The following TRMT11 variants were observed in gnomAD, a reference collection of about 807,000 sequenced individuals.
The protein encoded by TRMT11 is tRNA (guanine(10)-N(2))-methyltransferase TRMT11.
TRMT11 carries 53 observed loss-of-function variants against 62.8 expected under a neutral mutation model. The observed-to-expected ratio is 0.84, with a 90% CI of 0.68 to 1.06. The LOEUF is 1.06. Among genes scored for constraint, TRMT11 ranks in the 50% least tolerant of loss-of-function variants. The probability of loss-of-function intolerance (pLI) is 0.00; values close to 1 mark genes in which losing one functional copy is unlikely to be tolerated. For synonymous variants in TRMT11, 188 were observed against 190.3 expected (o/e 0.99, Z 0.10); for missense variants, 556 against 553.4 (o/e 1.00, Z -0.05).
At chr6:126,248,565 G>A in the TRMT11 span, among the ~76,000 whole-genome samples, 11 of 151,872 alleles carry the variant, frequency 7.2e-5, no homozygotes, top group East Asian at 7.7e-4. Context: ...TTCCACCCCC[G>A]TTCTCCATTC....
chr6:126,113,954 C>T (rs1409440449), intron 18 of TRMT11, among the ~76,000 whole-genome samples: 1 of 152,068 alleles, frequency 6.6e-6, no homozygotes, highest in Non-Finnish European at 1.5e-5. Flanking sequence ...ATGGATCGCA[C>T]TTTAAGGGAC....
chr6:126,071,029 C>T (rs1562314892), intron 17 of TRMT11, among the ~76,000 whole-genome samples: 1 of 152,154 alleles, frequency 6.6e-6, no homozygotes, highest in African/African-American at 2.4e-5. Context: ...CTGAGCTGGT[C>T]ATGAAGAACA....
At chr6:126,039,530 G>T (rs763975795), downstream of TRMT11, among the ~76,000 whole-genome samples, 1 of 152,006 alleles carries the variant, frequency 6.6e-6, no homozygotes, top group Non-Finnish European at 1.5e-5. Flanking sequence ...GGTTTAGAAA[G>T]TAACGGATAG....
Position 125,998,767 on chromosome 6 carries a change from C to T in TRMT11, c.522+83C>T, listed in dbSNP as rs1472412755. On this transcript the variant is annotated intron_variant, in intron 6 of 12. Coordinates refer to ENST00000334379, the MANE Select transcript of TRMT11 (RefSeq NM_001031712.3). ...GCCTTTTGTTGACTCCTATGTAGAA[C>T]TTTAAAGCAGCTGAAGAGTCAGAAC... 8 of 1,340,654 alleles carry T rather than the reference C, an allele frequency of 6.0e-6. No individual in the cohort carries two copies. The South Asian group carries it at 8.3e-5, about 14-fold the overall frequency. 83.0% of individuals were successfully genotyped at this position (1,340,654 alleles called of 1,614,324 possible).
intron 21 of TRMT11, among the ~76,000 whole-genome samples, chr6:126,170,467 A>G (rs147404737): frequency 3.3e-4 from 50 of 152,198 alleles, no homozygotes; most frequent in African/African-American, 1.2e-3. Context: ...GTAACCCAAG[A>G]CAGAGGTCAT....
the TRMT11 span, among the ~76,000 whole-genome samples, chr6:126,236,291 C>T: frequency 6.6e-6 from 1 of 152,296 alleles, no homozygotes; most frequent in Non-Finnish European, 1.5e-5. Context: ...ACTTCTTCAA[C>T]ATGAATATGA....
At chr6:126,109,210 A>G (rs1318975662) in intron 17 of TRMT11, among the ~76,000 whole-genome samples, 2 of 152,204 alleles carry the variant, frequency 1.3e-5, no homozygotes, top group African/African-American at 4.8e-5. Flanking sequence ...CATCTAAAGT[A>G]CAAACTTGTA....
At chr6:126,107,865 T>C (rs911519209) in intron 17 of TRMT11, among the ~76,000 whole-genome samples, 1 of 152,194 alleles carries the variant, frequency 6.6e-6, no homozygotes, top group African/African-American at 2.4e-5. Context: ...TGATTCATAT[T>C]AGAAGGAGAG....
At chr6:126,232,148 T>TG in the TRMT11 span, among the ~76,000 whole-genome samples, 1 of 150,008 alleles carries the variant, frequency 6.7e-6, no homozygotes, top group African/African-American at 2.4e-5. Flanking sequence ...ACATTTGTGT[T>TG]TGTGTGTGTG....
Position 126,100,671 on chromosome 6 carries a change from C to T in TRMT11, c.*1438-12195C>T, listed in dbSNP as rs141605100. 2.4e-3 allele frequency among the ~76,000 whole-genome samples: 361 copies of T among 152,330 alleles called. 1 individual carries two copies. The highest frequency in any genetic ancestry group is 4.3e-3 in the Non-Finnish European group (294 of 68,036). ...ATACAACAGCAGGCCCCAACCTTTT[C>T]GGCACCAGGGGCCAGTTTTGTGGAA... On this transcript the variant is annotated intron_variant and NMD_transcript_variant, in intron 17 of 22. Coordinates refer to the TRMT11 transcript ENST00000648977.
intron 17 of TRMT11, among the ~76,000 whole-genome samples, chr6:126,084,508 C>T (rs1316045590): frequency 1.3e-5 from 2 of 151,958 alleles, no homozygotes. Context: ...TATTCCAATC[C>T]ATAGGCTACT....
downstream of TRMT11, among the ~76,000 whole-genome samples, chr6:126,044,151 A>G (rs578198971): frequency 6.6e-6 from 1 of 151,830 alleles, no homozygotes; most frequent in Non-Finnish European, 1.5e-5. Context: ...CTGAATGGTA[A>G]TGCCTAGGTT....
At chr6:126,144,575 C>T (rs113854464) in intron 21 of TRMT11, among the ~76,000 whole-genome samples, 1 of 152,116 alleles carries the variant, frequency 6.6e-6, no homozygotes, top group Non-Finnish European at 1.5e-5. Context: ...TGCCTCTCCC[C>T]AAAGCTTTGC....
At chr6:126,247,881 A>C in the TRMT11 span, among the ~76,000 whole-genome samples, 1 of 152,028 alleles carries the variant, frequency 6.6e-6, no homozygotes, top group Admixed American at 6.6e-5. Context: ...AGCCACATGC[A>C]TCTTCAGCTT....
the TRMT11 span, among the ~76,000 whole-genome samples, chr6:126,225,253 T>C: frequency 6.3e-3 from 966 of 152,262 alleles, 16 homozygotes; most frequent in African/African-American, 0.022. Flanking sequence ...GCTCTCCCTA[T>C]CAGCTCAAAT....
intron 17 of TRMT11, among the ~76,000 whole-genome samples, chr6:126,098,378 A>C (rs1777362474): frequency 6.6e-6 from 1 of 152,306 alleles, no homozygotes; most frequent in East Asian, 1.9e-4. Flanking sequence ...GAATAATTCT[A>C]TGTGAATCCT....
intron 21 of TRMT11, among the ~76,000 whole-genome samples, chr6:126,120,875 C>T (rs1040455913): frequency 6.6e-6 from 1 of 152,116 alleles, no homozygotes; most frequent in South Asian, 2.1e-4. Context: ...TTTGAGTCAT[C>T]AAACTTCTTC....
intron 21 of TRMT11, among the ~76,000 whole-genome samples, chr6:126,138,246 G>A (rs944116078): frequency 6.6e-5 from 10 of 151,792 alleles, no homozygotes; most frequent in Non-Finnish European, 1.0e-4. Context: ...CTGTGATATA[G>A]CAATAAAAAT....
the TRMT11 span, among the ~76,000 whole-genome samples, chr6:126,248,038 C>T: frequency 1.3e-5 from 2 of 151,976 alleles, no homozygotes; most frequent in South Asian, 2.1e-4. Context: ...TAAGAGATAC[C>T]GTATGCTTGA....
Sources: allele counts gnomAD v4.1 joint callset (sites outside exome capture counted in the v4.1 genomes callset), GRCh38; gene constraint gnomAD v4.1.1; transcripts MANE v1.5; gene names NCBI Gene and HGNC (gene_info 2026-07-23, HGNC 2026-07-21).